The following FCHSD2 variants were observed in gnomAD, a reference collection of about 807,000 sequenced individuals.
FCHSD2 encodes F-BAR and double SH3 domains protein 2.
Under a neutral mutation model 108.1 loss-of-function variants are expected in FCHSD2, and 38 were observed. The observed-to-expected ratio is 0.35, with a 90% CI of 0.27 to 0.46. FCHSD2 has a LOEUF of 0.46. FCHSD2 is among the 20% of genes least tolerant of loss of function. FCHSD2 has a pLI of 1.00. For missense variants in FCHSD2, 751 were observed against 897.8 expected (o/e 0.84, Z 2.09); for synonymous variants, 279 against 314.7 (o/e 0.89, Z 1.20).
In FCHSD2 at chr11:73,074,917, T is replaced by C. The variant is rs1591533337; in HGVS notation, c.165+8778A>G. Reference sequence around the variant, plus strand: ...ACAGAGTGAGACCCTGTCCCAAGGATGGACGGACAGACAGTGGGGAGGGAG... The same window carrying C: ...ACAGAGTGAGACCCTGTCCCAAGGACGGACGGACAGACAGTGGGGAGGGAG... On this transcript the variant is annotated intron_variant, in intron 3 of 19. Coordinates refer to ENST00000409418, the MANE Select transcript of FCHSD2 (RefSeq NM_014824.3). 2.0e-5 allele frequency among the ~76,000 whole-genome samples: 3 copies of C among 152,056 alleles called. No homozygotes were observed. The Middle Eastern group carries it at 0.01, about 517-fold the overall frequency.
chr11:73,085,258 T>G (rs1031426446), intron 2 of FCHSD2, among the ~76,000 whole-genome samples: 1 of 152,260 alleles, frequency 6.6e-6, no homozygotes, highest in East Asian at 1.9e-4. Context: ...AAGTCTCCAG[T>G]GCATTCAAGG....
intron 8 of FCHSD2, among the ~76,000 whole-genome samples, chr11:72,962,526 C>T (rs1469119561): frequency 1.3e-5 from 2 of 151,874 alleles, no homozygotes; most frequent in African/African-American, 4.8e-5. Context: ...ACAAAATATA[C>T]TTTATATAAA....
intron 3 of FCHSD2, among the ~76,000 whole-genome samples, chr11:73,024,548 G>A (rs1591490743): frequency 6.6e-6 from 1 of 152,072 alleles, no homozygotes; most frequent in African/African-American, 2.4e-5. Context: ...AAGGGGAAAT[G>A]AGAATGAATT....
chr11:73,084,060 C>T (rs1463734490), intron 2 of FCHSD2, among the ~76,000 whole-genome samples: 1 of 152,156 alleles, frequency 6.6e-6, no homozygotes, highest in Non-Finnish European at 1.5e-5. Flanking sequence ...AATTTAGTTA[C>T]TTGAAATACA....
chr11:72,930,181 G>A (rs1856160634), intron 8 of FCHSD2, among the ~76,000 whole-genome samples: 1 of 152,168 alleles, frequency 6.6e-6, no homozygotes, highest in Non-Finnish European at 1.5e-5. Flanking sequence ...CTCCATGAAT[G>A]TAATTCTCTG....
At chr11:73,045,234 G>A (rs1204995609) in intron 3 of FCHSD2, among the ~76,000 whole-genome samples, 2 of 152,034 alleles carry the variant, frequency 1.3e-5, no homozygotes, top group African/African-American at 4.8e-5. Context: ...TCTCACACCA[G>A]TTAGAATGGC....
At chr11:72,886,292 T>C (rs1855197900) in intron 12 of FCHSD2, among the ~76,000 whole-genome samples, 1 of 152,190 alleles carries the variant, frequency 6.6e-6, no homozygotes, top group Non-Finnish European at 1.5e-5. Flanking sequence ...TCTCCTTCTT[T>C]CCTACCTTCA....
chr11:72,895,234 C>T (rs1246808191), intron 10 of FCHSD2, among the ~76,000 whole-genome samples: 2 of 152,116 alleles, frequency 1.3e-5, no homozygotes, highest in Non-Finnish European at 2.9e-5. Context: ...CTGGAAAACT[C>T]TGGACACCTG....
intron 8 of FCHSD2, among the ~76,000 whole-genome samples, chr11:72,938,162 C>T (rs997445156): frequency 2.2e-4 from 32 of 145,426 alleles, no homozygotes; most frequent in African/African-American, 8.1e-4. Context: ...CAGTATTATC[C>T]AGATTATGAA....
chr11:73,125,916 C>T (rs909034426), intron 2 of FCHSD2, among the ~76,000 whole-genome samples: 1 of 152,072 alleles, frequency 6.6e-6, no homozygotes, highest in Non-Finnish European at 1.5e-5. Flanking sequence ...CTGGCTAATG[C>T]AAAACTACAT....
rs574179220 is a variant in FCHSD2, at chr11:73,108,718, G to A, written c.120-24978C>T. On this transcript the variant is annotated intron_variant, in intron 2 of 19. Coordinates refer to ENST00000409418, the MANE Select transcript of FCHSD2 (RefSeq NM_014824.3). Reference sequence around the variant, plus strand: ...CGAGTAGCTGGGACTACAGGCGCCCGCCACCGCGCCCGGCTAATTTTTTTT... The same window carrying A: ...CGAGTAGCTGGGACTACAGGCGCCCACCACCGCGCCCGGCTAATTTTTTTT... 1.1e-4 allele frequency among the ~76,000 whole-genome samples: 17 copies of A among 152,066 alleles called. No homozygotes were observed. In the East Asian group the frequency reaches 2.7e-3, roughly 24 times the overall value.
intron 3 of FCHSD2, among the ~76,000 whole-genome samples, chr11:73,066,059 CAAG>C (rs1173897085): frequency 2.0e-5 from 3 of 152,080 alleles, no homozygotes; most frequent in African/African-American, 4.8e-5. Context: ...CAATCCTGGG[CAAG>C]AAGAACAAAG....
intron 9 of FCHSD2, among the ~76,000 whole-genome samples, chr11:72,917,426 A>G (rs1329936582): frequency 1.3e-5 from 2 of 152,166 alleles, no homozygotes; most frequent in Non-Finnish European, 2.9e-5. Flanking sequence ...TGAACTCTCA[A>G]TTCTGTTTCA....
intron 11 of FCHSD2, among the ~76,000 whole-genome samples, chr11:72,889,504 G>A (rs1855270050): frequency 6.6e-6 from 1 of 152,132 alleles, no homozygotes; most frequent in Admixed American, 6.5e-5. Flanking sequence ...GAGCAAAGGA[G>A]TTTGAGACCA....
intron 3 of FCHSD2, among the ~76,000 whole-genome samples, chr11:73,072,878 T>G (rs554385457): frequency 6.6e-6 from 1 of 152,298 alleles, no homozygotes; most frequent in Admixed American, 6.5e-5. Flanking sequence ...CTTCATAATT[T>G]TATTTCTTAA....
At chr11:73,096,987 A>AGTTTTTTTTTTTTTTTTTTTT (rs1860095700) in intron 2 of FCHSD2, among the ~76,000 whole-genome samples, 2 of 27,020 alleles carry the variant, frequency 7.4e-5, no homozygotes, top group African/African-American at 2.0e-4. Context: ...TCATTGATGG[A>AGTTTTTTTTTTTTTTTTTTTT]TTTTTTTTTT....
At chr11:73,084,306 A>C (rs183048980) in intron 2 of FCHSD2, among the ~76,000 whole-genome samples, 209 of 152,350 alleles carry the variant, frequency 1.4e-3, no homozygotes, top group African/African-American at 4.8e-3. Context: ...ACAATGTACA[A>C]GGCCACTACA....
At chr11:72,914,963 A>ATTTT (rs144998272) in intron 9 of FCHSD2, among the ~76,000 whole-genome samples, 1,742 of 120,406 alleles carry the variant, frequency 0.014, 56 homozygotes, top group African/African-American at 0.038. Context: ...CAGAATGGGA[A>ATTTT]TTTTTTTTTT....
intron 8 of FCHSD2, among the ~76,000 whole-genome samples, chr11:72,927,005 C>T (rs1856090063): frequency 6.6e-6 from 1 of 152,206 alleles, no homozygotes; most frequent in South Asian, 2.1e-4. Flanking sequence ...ATTTGAACCA[C>T]TCTTTTTAAA....
Sources: allele counts gnomAD v4.1 joint callset (sites outside exome capture counted in the v4.1 genomes callset), GRCh38; gene constraint gnomAD v4.1.1; transcripts MANE v1.5; gene names NCBI Gene and HGNC (gene_info 2026-07-23, HGNC 2026-07-21).